TMTC2: variants seen among roughly 807,000 people sequenced by gnomAD.
TMTC2 encodes the protein transmembrane O-mannosyltransferase targeting cadherins 2.
In TMTC2, 43 loss-of-function variants were observed where a neutral mutation model predicts 82.4. That is an observed-to-expected ratio of 0.52 (90% CI 0.41 to 0.67). The LOEUF is 0.67. Ranked by LOEUF, TMTC2 falls within the 30% of genes least tolerant of loss-of-function variation. The pLI is 0.00. For missense variants in TMTC2, 919 were observed against 1,012.4 expected (o/e 0.91, Z 1.25); for synonymous variants, 408 against 381.9 (o/e 1.07, Z -0.80).
chr12:82,816,938 C>T (rs1228315095), intron 1 of TMTC2, among the ~76,000 whole-genome samples: 1 of 150,814 alleles, frequency 6.6e-6, no homozygotes. Flanking sequence ...AGGAACAAAA[C>T]TCGTAAGAGT....
chr12:82,847,008 T>C (rs928385412), intron 1 of TMTC2, among the ~76,000 whole-genome samples: 3 of 152,068 alleles, frequency 2.0e-5, no homozygotes, highest in South Asian at 4.1e-4. Flanking sequence ...CACCCCACAC[T>C]GTAATTTATT....
chr12:83,077,076 G>T (rs1883304876), intron 11 of TMTC2, among the ~76,000 whole-genome samples: 2 of 152,178 alleles, frequency 1.3e-5, no homozygotes, highest in African/African-American at 4.8e-5. Context: ...ATAGGGGAGA[G>T]AGATTAGGCT....
intron 1 of TMTC2, among the ~76,000 whole-genome samples, chr12:82,850,929 T>C (rs552730661): frequency 7.3e-5 from 11 of 151,594 alleles, no homozygotes; most frequent in Non-Finnish European, 1.0e-4. Flanking sequence ...CTGGGCGTGG[T>C]GGCGTGCTCC....
chr12:82,959,459 C>G (rs1487673156), intron 4 of TMTC2, among the ~76,000 whole-genome samples: 1 of 152,092 alleles, frequency 6.6e-6, no homozygotes, highest in Non-Finnish European at 1.5e-5. Context: ...CAGCATGGTA[C>G]TGATACAAAA....
intron 4 of TMTC2, among the ~76,000 whole-genome samples, chr12:82,957,617 A>G (rs976908964): frequency 3.3e-5 from 5 of 152,146 alleles, no homozygotes; most frequent in Non-Finnish European, 5.9e-5. Flanking sequence ...AAGAAGATCT[A>G]TAGACCACTA....
At chr12:82,846,790 A>T (rs1196183787) in intron 1 of TMTC2, among the ~76,000 whole-genome samples, 1 of 152,086 alleles carries the variant, frequency 6.6e-6, no homozygotes, top group African/African-American at 2.4e-5. Flanking sequence ...ATGTGTGGTA[A>T]CAATTTATTA....
chr12:83,092,519 A>G (rs1360991827), intron 11 of TMTC2, among the ~76,000 whole-genome samples: 2 of 152,298 alleles, frequency 1.3e-5, no homozygotes, highest in Admixed American at 1.3e-4. Context: ...GAAATATTGC[A>G]TCTAGCTGGC....
chr12:82,726,676 A>G (rs192054296), intron 1 of TMTC2, among the ~76,000 whole-genome samples: 2 of 152,154 alleles, frequency 1.3e-5, no homozygotes, highest in Admixed American at 1.3e-4. Flanking sequence ...GTCAAGAGAT[A>G]GAGACCATCC....
chr12:82,956,187 A>G (rs755408488), intron 4 of TMTC2, among the ~76,000 whole-genome samples: 9 of 152,198 alleles, frequency 5.9e-5, no homozygotes, highest in Non-Finnish European at 1.2e-4. Flanking sequence ...CTACAAAGCA[A>G]CAAACTAGTA....
chr12:82,773,471 T>TC (rs1282590608), intron 1 of TMTC2, among the ~76,000 whole-genome samples: 1 of 151,744 alleles, frequency 6.6e-6, no homozygotes, highest in East Asian at 1.9e-4. Context: ...TCTTTTTTTT[T>TC]TTTTTTTGAG....
intron 4 of TMTC2, among the ~76,000 whole-genome samples, chr12:82,939,179 C>T (rs1293101850): frequency 6.6e-6 from 1 of 151,912 alleles, no homozygotes; most frequent in African/African-American, 2.4e-5. Flanking sequence ...TTGTAATTTT[C>T]CTGGGGATTT....
In TMTC2 at chr12:82,941,300, C is replaced by T. The variant is rs990152033; in HGVS notation, c.1598+10755C>T. Among the ~76,000 whole-genome samples the T allele has an allele frequency of 2.0e-5, 3 of 152,134 alleles. No homozygotes were observed. In the South Asian group the frequency reaches 6.2e-4, roughly 32 times the overall value. ...AGCTGGGACTATAGGCACATGACACCACACCTGGCTCAGTGCCCATGTACC... is the reference window on the plus strand; with the variant it reads ...AGCTGGGACTATAGGCACATGACACTACACCTGGCTCAGTGCCCATGTACC... On this transcript the variant is annotated intron_variant, in intron 4 of 11. Coordinates refer to ENST00000321196, the MANE Select transcript of TMTC2 (RefSeq NM_152588.3).
At chr12:82,791,953 C>T (rs7955825) in intron 1 of TMTC2, among the ~76,000 whole-genome samples, 52,466 of 152,010 alleles carry the variant, frequency 0.35, 9,321 homozygotes, top group Middle Eastern at 0.55. Context: ...TCTTATCATT[C>T]TCAGAACATG....
chr12:82,790,585 CTGGGAGGCCGAGG>C (rs1878421173), intron 1 of TMTC2, among the ~76,000 whole-genome samples: 1 of 151,706 alleles, frequency 6.6e-6, no homozygotes, highest in East Asian at 1.9e-4. Flanking sequence ...TCCCAGCACT[CTGGGAGGCCGAGG>C]TGGGAGGATC....
chr12:83,117,986 A>G (rs1416662837), intron 11 of TMTC2, among the ~76,000 whole-genome samples: 1 of 151,820 alleles, frequency 6.6e-6, no homozygotes, highest in East Asian at 1.9e-4. Context: ...TGTTGGTGTA[A>G]AGAAGAGCTA....
At chr12:83,123,810 A>T (rs1400071815) in intron 11 of TMTC2, among the ~76,000 whole-genome samples, 1 of 152,228 alleles carries the variant, frequency 6.6e-6, no homozygotes, top group Non-Finnish European at 1.5e-5. Flanking sequence ...AGTTCATGTC[A>T]TATTCTCATT....
intron 1 of TMTC2, among the ~76,000 whole-genome samples, chr12:82,780,290 A>C (rs965907693): frequency 1.3e-5 from 2 of 152,184 alleles, no homozygotes; most frequent in South Asian, 4.1e-4. Context: ...CCATTCTGAT[A>C]TCTAAGAAAA....
At chr12:82,806,501 T>C (rs1879248553) in intron 1 of TMTC2, among the ~76,000 whole-genome samples, 1 of 152,120 alleles carries the variant, frequency 6.6e-6, no homozygotes, top group Non-Finnish European at 1.5e-5. Flanking sequence ...CAGTTGACCT[T>C]TGAATAATGC....
intron 9 of TMTC2, among the ~76,000 whole-genome samples, chr12:83,033,567 A>G (rs12306176): frequency 0.082 from 12,543 of 152,054 alleles, 757 homozygotes; most frequent in East Asian, 0.29. Flanking sequence ...CCTGACCAAC[A>G]TGGAGAAACC....
Sources: gnomAD v4.1 joint callset for allele counts (sites outside exome capture counted in the v4.1 genomes callset) on GRCh38, gnomAD v4.1.1 for gene constraint, MANE v1.5 for transcripts, NCBI Gene and HGNC (gene_info 2026-07-23, HGNC 2026-07-21) for gene names.